Variants in IPO8 observed in about 807,000 individuals in gnomAD.
IPO8 encodes importin-8.
A neutral mutation model predicts 141.2 loss-of-function variants in IPO8; 65 were observed. That is an observed-to-expected ratio of 0.46 (90% confidence interval 0.38 to 0.57). The LOEUF is 0.57. Among genes scored for constraint, IPO8 ranks in the 20% least tolerant of loss-of-function variants. The probability of loss-of-function intolerance (pLI) is 0.00; values close to 1 mark genes in which losing one functional copy is unlikely to be tolerated. For missense variants in IPO8, 980 were observed against 1,246.8 expected (o/e 0.79, Z 3.22); for synonymous variants, 411 against 420.3 (o/e 0.98, Z 0.27).
Position 30,638,642 on chromosome 12 carries a change from G to A in IPO8, c.2489+873C>T, listed in dbSNP as rs149745403. On this transcript the variant is annotated intron_variant, in intron 21 of 24. Transcript: ENST00000256079. The stretch of plus-strand genomic sequence containing the variant: ...TAATCTGTGTTGGGTGACCTGAGGT[G>A]GGCACATAACACTAGTTGGAATCTC... 5.1e-3 allele frequency among the ~76,000 whole-genome samples: 773 copies of A among 152,232 alleles called. 13 individuals are homozygous for A. Among genetic ancestry groups the A allele is most frequent in the African/African-American group, 0.017 (687 of 41,518 alleles).
chr12:30,648,658 C>T (rs539346811), intron 20 of IPO8, among the ~76,000 whole-genome samples: 35 of 151,980 alleles, frequency 2.3e-4, no homozygotes, highest in African/African-American at 7.2e-4. Flanking sequence ...ATTGAACATA[C>T]CACAATAGTA....
chr12:30,641,493 C>CTTTTTTTTTTTTTTTTTTTTTTTT (rs58656525), intron 20 of IPO8, among the ~76,000 whole-genome samples: 5 of 135,050 alleles, frequency 3.7e-5, no homozygotes, highest in Non-Finnish European at 7.9e-5. Flanking sequence ...TAAGCTATTT[C>CTTTTTTTTTTTTTTTTTTTTTTTT]TTTTTTTTTT....
At chr12:30,662,681 A>C in intron 14 of IPO8, 194 bp from the exon 15 acceptor site, 1 of 603,442 alleles carries the variant, frequency 1.7e-6, no homozygotes, top group Admixed American at 2.7e-5. Context: ...AGAGTAATAT[A>C]AGGATAAGAA....
chr12:30,668,082 G>T (rs1331388742), intron 10 of IPO8, among the ~76,000 whole-genome samples: 2 of 151,098 alleles, frequency 1.3e-5, no homozygotes, highest in Non-Finnish European at 2.9e-5. Context: ...AGAGAGAGAA[G>T]AATGGTTGGC....
chr12:30,660,276 C>T (rs1056253171), intron 16 of IPO8, among the ~76,000 whole-genome samples: 5 of 152,126 alleles, frequency 3.3e-5, no homozygotes, highest in Admixed American at 6.5e-5. Flanking sequence ...TAAGTGCTCA[C>T]CTTGTAAAAC....
chr12:30,681,739 T>C lies in IPO8; in HGVS notation c.402A>G (p.Ile134Met). 6.2e-7 allele frequency: 1 copy of C among 1,613,904 alleles called. No individual in the cohort carries two copies. ...PGHWPGVVDKIDYYLQSQSSA... is the reference protein window; with the variant it reads ...PGHWPGVVDKMDYYLQSQSSA... Reference sequence around the variant, plus strand: ...TGCTCTGTGATTGCAAGTAATAGTCTATCTTGTCGACCACTCCTGGCCAGT... The same window carrying C: ...TGCTCTGTGATTGCAAGTAATAGTCCATCTTGTCGACCACTCCTGGCCAGT... Residue 134 changes from isoleucine to methionine, a missense_variant, in exon 4 of 25, where the codon ATA becomes ATG. Physicochemically the swap from Ile to Met is conservative, Grantham distance 10. Coordinates refer to ENST00000256079, the MANE Select transcript of IPO8 (RefSeq NM_006390.4).
chr12:30,656,721 TA>T lies in IPO8; in HGVS notation c.1910del (p.Leu637HisfsTer12). 1.3e-6 allele frequency: 2 copies of T among 1,549,420 alleles called. No individual in the cohort carries two copies. The highest frequency in any genetic ancestry group is 1.8e-6 in the Non-Finnish European group (2 of 1,137,126). ...TCTGCAGAACAAGATCAATGATCCGTAGACAGATATTCTCTAACTGCTGGGT... is the reference window on the plus strand; with the variant it reads ...TCTGCAGAACAAGATCAATGATCCGTGACAGATATTCTCTAACTGCTGGGT... ...EITQQLENIC[L>X]RIIDLVLQKH... On this transcript the variant is annotated frameshift_variant, in exon 17 of 25. Transcript: ENST00000256079. LOFTEE classifies it high-confidence loss of function.
At chr12:30,657,030 A>G (rs1203964566) in intron 16 of IPO8, among the ~76,000 whole-genome samples, 1 of 152,150 alleles carries the variant, frequency 6.6e-6, no homozygotes, top group African/African-American at 2.4e-5. Flanking sequence ...GTGAAGAAAT[A>G]AACCATAAAA....
chr12:30,673,896 G>A (rs2053084061), intron 8 of IPO8, 94 bp downstream of exon 8: 1 of 667,432 alleles, frequency 1.5e-6, no homozygotes, highest in Non-Finnish European at 2.6e-6. Flanking sequence ...AATATGTAAT[G>A]AATTAGTATG....
chr12:30,671,278 A>C (rs1191575239), intron 8 of IPO8, among the ~76,000 whole-genome samples, 182 bp from the exon 9 acceptor site: 1 of 152,220 alleles, frequency 6.6e-6, no homozygotes, highest in Non-Finnish European at 1.5e-5. Context: ...GGTCCATGTT[A>C]TATTGAACTA....
chr12:30,681,119 C>A (rs529013544), intron 4 of IPO8, among the ~76,000 whole-genome samples: 1 of 152,244 alleles, frequency 6.6e-6, no homozygotes, highest in Non-Finnish European at 1.5e-5. Context: ...CTATAAATTT[C>A]ATAAGCAGAG....
chr12:30,652,606 C>T (rs1461429905), intron 18 of IPO8, among the ~76,000 whole-genome samples: 1 of 152,000 alleles, frequency 6.6e-6, no homozygotes, highest in African/African-American at 2.4e-5. Context: ...TCCCATCATC[C>T]CCATTAGAAT....
At chr12:30,638,905 T>G (rs1450976057) in intron 21 of IPO8, among the ~76,000 whole-genome samples, 1 of 152,076 alleles carries the variant, frequency 6.6e-6, no homozygotes, top group Non-Finnish European at 1.5e-5. Context: ...TCTCCTGACC[T>G]CGTGATCCAC....
intron 20 of IPO8, among the ~76,000 whole-genome samples, chr12:30,643,449 T>TA (rs1260642112): frequency 6.6e-6 from 1 of 152,254 alleles, no homozygotes; most frequent in Non-Finnish European, 1.5e-5. Context: ...AACTTTCTGA[T>TA]ACACAAATTC....
chr12:30,689,120 T>C (rs530696775), intron 2 of IPO8, among the ~76,000 whole-genome samples: 120 of 152,106 alleles, frequency 7.9e-4, no homozygotes, highest in Non-Finnish European at 1.0e-3. Flanking sequence ...TAAAATAGCA[T>C]GTGTAATATA....
Position 30,695,716 on chromosome 12 carries a change from C to A in IPO8, c.-69G>T. 1.4e-6 allele frequency: 2 copies of A among 1,406,436 alleles called. No individual in the cohort carries two copies. Among genetic ancestry groups the A allele is most frequent in the Non-Finnish European group, 2.0e-6 (2 of 1,011,240 alleles). The allele number at this position is 1,406,436 out of a possible 1,614,324, so 87.1% of individuals were successfully genotyped here. The stretch of plus-strand genomic sequence containing the variant: ...ACTGCAGCTTTAGTTTTCTTTTGAC[C>A]CTCTCAGCCTCCTCTTCCGCGACCC... On this transcript the variant is annotated 5_prime_UTR_variant, in exon 1 of 25. Transcript: ENST00000256079. This position sits in a 1 kb window ranked among gnomAD's most constrained non-coding sequence, Gnocchi z 4.2.
chr12:30,647,835 G>C (rs2052670701), intron 20 of IPO8, among the ~76,000 whole-genome samples: 1 of 151,980 alleles, frequency 6.6e-6, no homozygotes, highest in Non-Finnish European at 1.5e-5. Context: ...GATCCGATTA[G>C]ACATTTCTCC....
chr12:30,649,742 A>G (rs548137163), intron 19 of IPO8, among the ~76,000 whole-genome samples: 2 of 152,244 alleles, frequency 1.3e-5, no homozygotes, highest in Non-Finnish European at 2.9e-5. Context: ...AGGTGAATAT[A>G]ACAAAGTTAT....
chr12:30,665,388 G>T (rs1296350719), intron 12 of IPO8, 79 bp from the exon 13 acceptor site: 9 of 833,280 alleles, frequency 1.1e-5, no homozygotes, highest in Non-Finnish European at 2.0e-6. Flanking sequence ...TGTTTACTAT[G>T]ACTTGCATTT....
Sources: gnomAD v4.1 joint callset for allele counts (sites outside exome capture counted in the v4.1 genomes callset) on GRCh38, gnomAD v4.1.1 for gene constraint, Gnocchi (gnomAD v3.1) non-coding constraint, MANE v1.5 for transcripts, NCBI Gene and HGNC (gene_info 2026-07-23, HGNC 2026-07-21) for gene names.